The following C3 variants were observed in gnomAD, a reference collection of about 807,000 sequenced individuals.
C3 encodes the protein C3 and PZP-like alpha-2-macroglobulin domain-containing protein 1.
A neutral mutation model predicts 207.9 loss-of-function variants in C3; 97 were observed. The observed-to-expected ratio is 0.47, with a 90% CI of 0.40 to 0.55. The LOEUF (loss-of-function observed/expected upper bound fraction) is 0.55, where lower values mean the gene tolerates loss of function less well. Ranked by LOEUF, C3 falls within the 20% of genes least tolerant of loss-of-function variation. The pLI, the probability that C3 is intolerant of heterozygous loss-of-function variation, is 0.00. For synonymous variants in C3, 848 were observed against 857.6 expected, an observed-to-expected ratio of 0.99 and a Z score of 0.20; for missense variants, 1,684 against 2,171.7, an observed-to-expected ratio of 0.78 and a Z score of 4.46.
Position 6,719,155 on chromosome 19 carries a change from G to T in C3, c.267+56C>A. 3.5e-6 allele frequency: 5 copies of T among 1,449,246 alleles called. No individual in the cohort carries two copies. The highest frequency in any genetic ancestry group is 4.9e-6 in the Non-Finnish European group (5 of 1,029,994). The allele number at this position is 1,449,246 out of a possible 1,614,324, so 89.8% of individuals were successfully genotyped here. A position where few individuals can be genotyped will look rare whatever the true frequency, so the allele number is the denominator to read the frequency against. ...AGAAGGGGAGGGGCTCAGGAGGAGG[G>T]GGGGAGTGGGCGTGGCTGTGGGTGT... On this transcript the variant is annotated intron_variant, in intron 2 of 40. Transcript: ENST00000245907. This position sits in a 1 kb window ranked among gnomAD's most constrained non-coding sequence, Gnocchi z 5.4.
Position 6,720,584 on chromosome 19 carries a change from T to C in C3, c.6A>G (p.Gly2=). 1 of 1,577,878 alleles carries C rather than the reference T, an allele frequency of 6.3e-7. No individual in the cohort carries two copies. The highest frequency in any genetic ancestry group is 8.6e-7 in the Non-Finnish European group (1 of 1,161,600). The change falls in exon 1 of 41, where the codon GGA becomes GGG. Residue 2 remains glycine (G), a synonymous_variant. Transcript: ENST00000245907. M[G]PTSGPSLLLL... is the part of the protein sequence containing the mutation. Reference sequence around the variant, plus strand: ...GCAGCAGGCTGGGACCTGAGGTGGGTCCCATGGTGCTGGGACAGTGCAGGG... The same window carrying C: ...GCAGCAGGCTGGGACCTGAGGTGGGCCCCATGGTGCTGGGACAGTGCAGGG...
rs1967563012 is a variant in C3, at chr19:6,697,451, G to C, written c.2689C>G (p.Pro897Ala). The C allele has an allele frequency of 3.1e-6, 5 of 1,613,894 alleles. No individual in the cohort carries two copies. The highest frequency in any genetic ancestry group is 4.2e-6 in the Non-Finnish European group (5 of 1,180,004). ...GTCTTTAGCGGCACGATGACATATG[G>C]AACGGACAACGAGGACTTGGGGGGG... ...TIPPKSSLSVPYVIVPLKTGL... is the reference protein window; with the variant it reads ...TIPPKSSLSVAYVIVPLKTGL... Residue 897 changes from proline (P) to alanine (A), a missense_variant, in exon 21 of 41, where the codon CCA becomes GCA. Around this residue, in one of 3 missense-constraint regions of C3, gnomAD observed 1,280 missense variants for 1,739.1 expected, o/e 0.74. Transcript: ENST00000245907.
intron 34 of C3, 28 bp from the exon 35 acceptor site, chr19:6,682,058 T>C (rs756357300): frequency 6.2e-7 from 1 of 1,609,024 alleles, no homozygotes. Context: ...CTGTGAAAAA[T>C]CCCTCCTGGA....
In C3 at chr19:6,691,612, A is replaced by C. The variant is rs559918512; in HGVS notation, c.3391-885T>G. ...GAAAGGCTGGAAGTCTGGAAGCCTG[A>C]AAGGTGAGACTGAGGCAGTGATTCT... On this transcript the variant is annotated intron_variant, in intron 26 of 40. Transcript: ENST00000245907. Among the ~76,000 whole-genome samples the C allele has an allele frequency of 9.2e-5, 14 of 152,346 alleles. No homozygotes were observed. In the South Asian group the frequency reaches 2.9e-3, roughly 32 times the overall value.
intron 8 of C3, 28 bp from the exon 9 acceptor site, chr19:6,713,343 G>A (rs1967961345): frequency 6.2e-7 from 1 of 1,613,814 alleles, no homozygotes; most frequent in African/African-American, 1.3e-5. Context: ...GGCTCAGAGA[G>A]GGGAGCGGGC....
At chr19:6,702,038 T>G in intron 19 of C3, 89 bp downstream of exon 19, 1 of 788,394 alleles carries the variant, frequency 1.3e-6, no homozygotes, top group Non-Finnish European at 2.3e-6. Context: ...CCAAGAAACA[T>G]AGGGTTGATT....
chr19:6,694,415 G>A lies in C3; in HGVS notation c.3154+16C>T. 6.2e-7 allele frequency: 1 copy of A among 1,612,224 alleles called. No homozygotes were observed. ...AAAGGGGTCCCTGGGGTCTCCAAGA[G>A]GGGCAGGGAGCCCACCCTTCTTGAT... On this transcript the variant is annotated intron_variant, in intron 24 of 40. Coordinates refer to ENST00000245907, the MANE Select transcript of C3 (RefSeq NM_000064.4).
At chr19:6,690,584 G>A in intron 27 of C3, 45 bp downstream of exon 27, 2 of 1,496,078 alleles carry the variant, frequency 1.3e-6, no homozygotes, top group Non-Finnish European at 1.9e-6. Context: ...GCTGTGCTCT[G>A]CATCGGGTAA....
chr19:6,710,925 T>C (rs1438376097), intron 12 of C3, 62 bp downstream of exon 12: 2 of 1,600,040 alleles, frequency 1.2e-6, no homozygotes, highest in African/African-American at 2.7e-5. Flanking sequence ...GGGGAAGGAG[T>C]CCCAGGGGTG....
In C3 at chr19:6,691,178, G is replaced by A. The variant is rs567828209; in HGVS notation, c.3391-451C>T. Among the ~76,000 whole-genome samples the A allele has an allele frequency of 3.3e-5, 5 of 150,762 alleles. No individual in the cohort carries two copies. The East Asian group carries it at 5.9e-4, about 18-fold the overall frequency. On this transcript the variant is annotated intron_variant, in intron 26 of 40. Coordinates refer to ENST00000245907, the MANE Select transcript of C3 (RefSeq NM_000064.4). ...AAGCAATTCTCCTGCCTCAGCCTCC[G>A]AAGTAGCTGGGATTACAAGCATGCA...
At position 6,684,843 on chromosome 19, in the gene C3, T is replaced by C. The variant is rs200391664; in HGVS notation, c.3970-9A>G. The C allele has an allele frequency of 3.1e-6, 5 of 1,613,776 alleles. No homozygotes were observed. The African/African-American group carries it at 4.0e-5, about 13-fold the overall frequency. ...CCCTCATTTTCCTTGGTCTGCAGAGTGAAAAGAGAGAAGAGAGCATGTTGG... is the reference window on the plus strand; with the variant it reads ...CCCTCATTTTCCTTGGTCTGCAGAGCGAAAAGAGAGAAGAGAGCATGTTGG... On this transcript the variant is annotated splice_polypyrimidine_tract_variant and intron_variant, in intron 30 of 40. Transcript: ENST00000245907.
chr19:6,710,934 T>C, intron 12 of C3, 53 bp downstream of exon 12: 1 of 1,602,902 alleles, frequency 6.2e-7, no homozygotes, highest in Non-Finnish European at 8.5e-7. Flanking sequence ...GTCCCAGGGG[T>C]GCGGAAGAAA....
intron 19 of C3, among the ~76,000 whole-genome samples, chr19:6,698,537 A>G (rs2145412943): frequency 6.6e-6 from 1 of 152,192 alleles, no homozygotes; most frequent in Admixed American, 6.5e-5. Flanking sequence ...TTTAATTCAG[A>G]CTTAAACTTT....
At chr19:6,696,733 G>T (rs1428048653) in intron 21 of C3, 74 bp from the exon 22 acceptor site, 5 of 1,414,928 alleles carry the variant, frequency 3.5e-6, no homozygotes, top group Non-Finnish European at 5.0e-6. Context: ...GGTCAGCAGG[G>T]CACTGTCCTT....
At position 6,705,727 on chromosome 19, in the gene C3, T is replaced by G. The variant is rs569684025; in HGVS notation, c.2245+1349A>C. Among the ~76,000 whole-genome samples, 8 of 151,462 alleles carry G rather than the reference T, an allele frequency of 5.3e-5. No individual in the cohort carries two copies. In the Admixed American group the frequency reaches 5.3e-4, roughly 10 times the overall value. Reference sequence around the variant, plus strand: ...TCTTGCTCTGTTGCCCAGGCTGGAGTGCAGTGGCACAATCTCAGCTCACTG... The same window carrying G: ...TCTTGCTCTGTTGCCCAGGCTGGAGGGCAGTGGCACAATCTCAGCTCACTG... On this transcript the variant is annotated intron_variant, in intron 17 of 40. Coordinates refer to ENST00000245907, the MANE Select transcript of C3 (RefSeq NM_000064.4).
At chr19:6,720,444 G>C in intron 1 of C3, 72 bp downstream of exon 1, 1 of 1,090,142 alleles carries the variant, frequency 9.2e-7, no homozygotes, top group Non-Finnish European at 1.4e-6. Context: ...ATTCTACAGG[G>C]ACCTGGACCC....
chr19:6,717,611 G>A lies in C3; in HGVS notation c.504+483C>T, dbSNP rs368838412. The A allele has an allele frequency of 1.1e-3, 306 of 268,884 alleles. 1 individual carries two copies. Among genetic ancestry groups the A allele is most frequent in the African/African-American group, 6.8e-3 (295 of 43,688 alleles). The allele number at this position is 268,884 out of a possible 1,614,324, so 16.7% of individuals were successfully genotyped here. On this transcript the variant is annotated intron_variant, in intron 4 of 40. Coordinates refer to ENST00000245907, the MANE Select transcript of C3 (RefSeq NM_000064.4). ...TGTGTTGTGTGTTGTGTGTGTTTGTGTGTGTTGTGTGATAGTGTTGTGTGG... is the reference window on the plus strand; with the variant it reads ...TGTGTTGTGTGTTGTGTGTGTTTGTATGTGTTGTGTGATAGTGTTGTGTGG...
intron 19 of C3, among the ~76,000 whole-genome samples, chr19:6,701,597 C>T (rs1250282423): frequency 6.6e-6 from 1 of 152,074 alleles, no homozygotes; most frequent in Non-Finnish European, 1.5e-5. Flanking sequence ...CTCAGCTCAC[C>T]GCAACCTCCA....
At position 6,690,678 on chromosome 19, in the gene C3, A is replaced by C; in HGVS notation, c.3440T>G (p.Val1147Gly). ...TTTAGCCTCCTGCAGCGAGATGAGA[A>C]CAAAGGCCGTGAGGGCCATGTCTTT... Reference protein sequence around the residue: ...NEKDMALTAFVLISLQEAKDI... With the variant: ...NEKDMALTAFGLISLQEAKDI... Residue 1147 changes from valine to glycine, a missense_variant, in exon 27 of 41, where the codon GTT becomes GGT. By Grantham distance (109) the Val-to-Gly change is moderately radical. Coordinates refer to ENST00000245907, the MANE Select transcript of C3 (RefSeq NM_000064.4). 1.2e-6 allele frequency: 2 copies of C among 1,614,270 alleles called. No individual in the cohort carries two copies. Among genetic ancestry groups the C allele is most frequent in the Non-Finnish European group, 1.7e-6 (2 of 1,180,052 alleles).
Sources: allele counts gnomAD v4.1 joint callset (sites outside exome capture counted in the v4.1 genomes callset), GRCh38; gene constraint gnomAD v4.1.1; regional missense constraint gnomAD v4.1.1; non-coding constraint Gnocchi (gnomAD v3.1); transcripts MANE v1.5; gene names NCBI Gene and HGNC (gene_info 2026-07-23, HGNC 2026-07-21).